Variants in DCC observed in about 807,000 individuals in gnomAD.
The protein encoded by DCC is DCC netrin 1 receptor.
A neutral mutation model predicts 172.5 loss-of-function variants in DCC; 58 were observed. The ratio of observed to expected loss-of-function variants is 0.34; its 90% CI spans 0.27 to 0.42. DCC has a LOEUF of 0.42. DCC is among the 10% of genes least tolerant of loss of function. The pLI, the probability that DCC is intolerant of heterozygous loss-of-function variation, is 1.00. For synonymous variants in DCC, 709 were observed against 644.5 expected (o/e 1.10, Z -1.52); for missense variants, 1,740 against 1,791.0 (o/e 0.97, Z 0.51).
intron 1 of DCC, among the ~76,000 whole-genome samples, chr18:52,546,976 A>G (rs1437247192): frequency 6.6e-6 from 1 of 152,142 alleles, no homozygotes; most frequent in Non-Finnish European, 1.5e-5. Flanking sequence ...TGGACCTTCC[A>G]AGCCACTGAA....
At chr18:52,352,714 C>T (rs1984180214) in intron 1 of DCC, among the ~76,000 whole-genome samples, 2 of 152,258 alleles carry the variant, frequency 1.3e-5, no homozygotes, top group Non-Finnish European at 2.9e-5. Context: ...AATGCCCAGC[C>T]CTTCTTCATA....
intron 7 of DCC, among the ~76,000 whole-genome samples, chr18:53,080,965 A>G (rs2042791778): frequency 1.3e-5 from 2 of 152,078 alleles, no homozygotes; most frequent in Non-Finnish European, 2.9e-5. Context: ...AGCTTTGAGA[A>G]AGGAACTCAT....
chr18:53,369,264 T>G (rs913936415), intron 15 of DCC, among the ~76,000 whole-genome samples: 1 of 151,952 alleles, frequency 6.6e-6, no homozygotes, highest in East Asian at 1.9e-4. Context: ...ACACAACTGA[T>G]TTTTTGTGTT....
chr18:52,815,732 ACAT>A (rs2038284276), intron 2 of DCC, among the ~76,000 whole-genome samples: 1 of 152,236 alleles, frequency 6.6e-6, no homozygotes, highest in Non-Finnish European at 1.5e-5. Flanking sequence ...AAAAGCTAAA[ACAT>A]CAATAAATCA....
At chr18:52,790,390 A>G (rs1203258905) in intron 2 of DCC, among the ~76,000 whole-genome samples, 1 of 152,166 alleles carries the variant, frequency 6.6e-6, no homozygotes, top group Admixed American at 6.5e-5. Flanking sequence ...CAGATAATAT[A>G]AACAATGATC....
chr18:53,475,604 T>C (rs909782498), intron 25 of DCC, among the ~76,000 whole-genome samples: 2 of 152,178 alleles, frequency 1.3e-5, no homozygotes, highest in African/African-American at 4.8e-5. Flanking sequence ...AACTGGGGTT[T>C]GGGAACCTCT....
intron 7 of DCC, among the ~76,000 whole-genome samples, chr18:53,141,411 A>C (rs2043828286): frequency 1.3e-5 from 2 of 152,228 alleles, no homozygotes; most frequent in Admixed American, 6.5e-5. Context: ...AATCGTTAAT[A>C]GTCAAAGATG....
chr18:53,180,348 T>G (rs904446342), intron 9 of DCC, among the ~76,000 whole-genome samples: 2 of 152,184 alleles, frequency 1.3e-5, no homozygotes, highest in Non-Finnish European at 2.9e-5. Context: ...CCTCAACAAC[T>G]TCAAAAGCAT....
At chr18:53,279,007 A>T (rs1156345140) in intron 12 of DCC, among the ~76,000 whole-genome samples, 1 of 152,146 alleles carries the variant, frequency 6.6e-6, no homozygotes, top group Non-Finnish European at 1.5e-5. Flanking sequence ...ACAATGGTTG[A>T]ACTAGTTTAC....
intron 5 of DCC, among the ~76,000 whole-genome samples, chr18:53,047,514 A>G (rs2042272263): frequency 7.4e-6 from 1 of 134,584 alleles, no homozygotes; most frequent in Non-Finnish European, 1.6e-5. Context: ...GAAGTCATAT[A>G]TACTTGCGTG....
intron 2 of DCC, among the ~76,000 whole-genome samples, chr18:52,818,589 G>T (rs1032007712): frequency 4.0e-5 from 6 of 151,718 alleles, no homozygotes; most frequent in African/African-American, 1.2e-4. Context: ...GATACTAAAA[G>T]ATATAAAATT....
At chr18:53,277,207 C>T (rs190296581) in intron 12 of DCC, among the ~76,000 whole-genome samples, 9 of 152,252 alleles carry the variant, frequency 5.9e-5, no homozygotes, top group Non-Finnish European at 7.4e-5. Context: ...CGATAGCTCA[C>T]GCCTATAATC....
intron 7 of DCC, among the ~76,000 whole-genome samples, chr18:53,144,533 G>A (rs1237873338): frequency 1.3e-5 from 2 of 152,118 alleles, no homozygotes; most frequent in Non-Finnish European, 2.9e-5. Context: ...GACTTACTCA[G>A]TGTCATGAAA....
rs764721371 is a variant in DCC, at chr18:52,752,163, A to C, written c.201A>C (p.Arg67=). 6.2e-7 allele frequency: 1 copy of C among 1,614,110 alleles called. No homozygotes were observed. The highest frequency in any genetic ancestry group is 1.1e-5 in the South Asian group (1 of 91,074). The part of the protein sequence containing the change: ...VLLDCSAESD[R]GVPVIKWKKD... ...TCGACTGCTCCGCGGAGTCCGACCG[A>C]GGAGTTCCAGTGATCAAGTGGAAGA... The change falls in exon 2 of 29, where the codon CGA becomes CGC. Residue 67 remains arginine (R), a synonymous_variant. Coordinates refer to ENST00000442544, the MANE Select transcript of DCC (RefSeq NM_005215.4).
At chr18:52,713,957 C>T (rs1462898063) in intron 1 of DCC, among the ~76,000 whole-genome samples, 1 of 152,148 alleles carries the variant, frequency 6.6e-6, no homozygotes, top group African/African-American at 2.4e-5. Flanking sequence ...GATATAATTG[C>T]CTGGGTTCTG....
intron 7 of DCC, among the ~76,000 whole-genome samples, chr18:53,067,155 T>A (rs572680184): frequency 1.3e-5 from 2 of 152,278 alleles, no homozygotes; most frequent in South Asian, 4.1e-4. Flanking sequence ...TTACTCTTTT[T>A]AATTATAATT....
intron 1 of DCC, among the ~76,000 whole-genome samples, chr18:52,435,784 C>A (rs1365462158): frequency 6.6e-6 from 1 of 152,158 alleles, no homozygotes; most frequent in Non-Finnish European, 1.5e-5. Context: ...GCAGGAAACT[C>A]CATTATAGAC....
intron 3 of DCC, among the ~76,000 whole-genome samples, chr18:52,920,332 G>A (rs923614327): frequency 2.0e-5 from 3 of 151,600 alleles, no homozygotes; most frequent in Non-Finnish European, 4.4e-5. Flanking sequence ...GCTTCAATCC[G>A]AAACACACAA....
At chr18:52,438,776 C>A (rs1236544531) in intron 1 of DCC, among the ~76,000 whole-genome samples, 2 of 152,148 alleles carry the variant, frequency 1.3e-5, no homozygotes, top group Non-Finnish European at 2.9e-5. Context: ...GCATACTCTA[C>A]CACTAGGCAC....
Sources: gnomAD v4.1 joint callset for allele counts (sites outside exome capture counted in the v4.1 genomes callset) on GRCh38, gnomAD v4.1.1 for gene constraint, MANE v1.5 for transcripts, NCBI Gene and HGNC (gene_info 2026-07-23, HGNC 2026-07-21) for gene names.